TANGO2: variants seen among roughly 807,000 people sequenced by gnomAD.
The protein encoded by TANGO2 is transport and Golgi organization protein 2 homolog.
A neutral mutation model predicts 39.1 loss-of-function variants in TANGO2; 26 were observed. That is an observed-to-expected ratio of 0.67 (90% CI 0.49 to 0.92). The LOEUF (loss-of-function observed/expected upper bound fraction) is 0.92. Ranked by LOEUF, TANGO2 falls within the 40% of genes least tolerant of loss-of-function variation. TANGO2 has a pLI of 0.00. For missense variants in TANGO2, 326 were observed against 360.1 expected, an observed-to-expected ratio of 0.91 and a Z score of 0.77; for synonymous variants, 131 against 144.5, an observed-to-expected ratio of 0.91 and a Z score of 0.67.
intron 3 of TANGO2, among the ~76,000 whole-genome samples, chr22:20,045,987 G>A (rs564774108): frequency 5.6e-4 from 85 of 152,076 alleles, no homozygotes; most frequent in Non-Finnish European, 8.5e-4. Context: ...CCTACTCCCT[G>A]CCCTGTGTGA....
intron 5 of TANGO2, chr22:20,054,597 A>G (rs1405632484): frequency 6.6e-6 from 1 of 152,408 alleles, no homozygotes; most frequent in Non-Finnish European, 1.5e-5. Context: ...TCCCGGCTCC[A>G]AAGGCTGCAG....
At chr22:20,032,135 C>T (rs939066464) in intron 1 of TANGO2, among the ~76,000 whole-genome samples, 5 of 152,246 alleles carry the variant, frequency 3.3e-5, no homozygotes, top group African/African-American at 9.6e-5. Context: ...AGCCTCCTTC[C>T]GGTTGGGGTT....
At chr22:20,037,159 G>C (rs2043007035) in intron 2 of TANGO2, 34 of 1,478,906 alleles carry the variant, frequency 2.3e-5, no homozygotes, top group Non-Finnish European at 2.5e-5. Context: ...GGAGGGTCGG[G>C]CGGCAGAACT....
chr22:20,031,869 G>A (rs2041930585), intron 1 of TANGO2, among the ~76,000 whole-genome samples: 1 of 152,228 alleles, frequency 6.6e-6, no homozygotes, highest in Admixed American at 6.5e-5. Flanking sequence ...ACTCTCTCAG[G>A]GGCTGCCAGG....
intron 6 of TANGO2, among the ~76,000 whole-genome samples, chr22:20,060,996 C>T (rs1273757113): frequency 6.6e-6 from 1 of 152,146 alleles, no homozygotes; most frequent in Non-Finnish European, 1.5e-5. Context: ...GCAGAGCCCC[C>T]CGGCTCTCCT....
At chr22:20,032,976 C>T (rs2042146343) in intron 1 of TANGO2, among the ~76,000 whole-genome samples, 5 of 152,112 alleles carry the variant, frequency 3.3e-5, no homozygotes, top group Admixed American at 1.3e-4. Context: ...GTGTGGGGAC[C>T]TTGTAGGACC....
intron 8 of TANGO2, chr22:20,063,663 C>T (rs2048794539): frequency 4.0e-6 from 2 of 501,296 alleles, no homozygotes; most frequent in Admixed American, 3.6e-5. Context: ...TACACAGCCA[C>T]ACAGGGCCAG....
rs920458253 is a variant in TANGO2 at position 20,064,756 on chromosome 22, C to T, written c.*94C>T. 1.2e-5 allele frequency: 18 copies of T among 1,494,424 alleles called. No homozygotes were observed. Among genetic ancestry groups the T allele is most frequent in the Middle Eastern group, 4.6e-4 (2 of 4,354 alleles). 92.6% of individuals were successfully genotyped at this position (1,494,424 alleles called of 1,614,324 possible). A position where few individuals can be genotyped will look rare whatever the true frequency, so the allele number is the denominator to read the frequency against. On this transcript the variant is annotated 3_prime_UTR_variant, in exon 9 of 9. Coordinates refer to ENST00000327374, the MANE Select transcript of TANGO2 (RefSeq NM_152906.7). The stretch of plus-strand genomic sequence containing the variant: ...CCTTCCTTTGCCATACTGCATTGCA[C>T]TGCCCGTGGCTTGGCCAGCATCCCC...
chr22:20,036,054 C>T (rs767283887), intron 1 of TANGO2, among the ~76,000 whole-genome samples: 3 of 152,148 alleles, frequency 2.0e-5, no homozygotes, highest in Admixed American at 6.5e-5. Context: ...TTTGTCTGTT[C>T]TTATCAGCCT....
upstream of TANGO2, chr22:20,019,355 C>T (rs1221848877): frequency 6.6e-6 from 1 of 152,264 alleles, no homozygotes; most frequent in Non-Finnish European, 1.5e-5. Flanking sequence ...GCCAGTGAGC[C>T]TGTTGCAGCC....
At chr22:20,032,525 G>A (rs1202118029) in intron 1 of TANGO2, among the ~76,000 whole-genome samples, 2 of 152,272 alleles carry the variant, frequency 1.3e-5, no homozygotes, top group African/African-American at 2.4e-5. Context: ...GGTTCTGGCC[G>A]CCTGGGCCTC....
intron 8 of TANGO2, among the ~76,000 whole-genome samples, chr22:20,064,339 G>A (rs2048920600): frequency 6.6e-6 from 1 of 152,202 alleles, no homozygotes; most frequent in African/African-American, 2.4e-5. Context: ...GTGTGGGCCT[G>A]TGGAGCCAGC....
chr22:20,039,668 G>GC (rs1262357826), intron 2 of TANGO2, among the ~76,000 whole-genome samples: 3 of 151,968 alleles, frequency 2.0e-5, no homozygotes, highest in Non-Finnish European at 4.4e-5. Flanking sequence ...CCTGTTTACA[G>GC]CCCCACGTGA....
At chr22:20,025,196 G>A (rs1248141511) in intron 1 of TANGO2, among the ~76,000 whole-genome samples, 2 of 149,750 alleles carry the variant, frequency 1.3e-5, no homozygotes, top group Non-Finnish European at 3.0e-5. Context: ...GGTTCAATGC[G>A]ATTCTCCTGC....
intron 1 of TANGO2, among the ~76,000 whole-genome samples, chr22:20,022,198 C>G (rs1428676617): frequency 2.6e-5 from 4 of 152,354 alleles, no homozygotes; most frequent in Non-Finnish European, 5.9e-5. Context: ...AAAACTCAGG[C>G]TAAGGTGGCA....
intron 5 of TANGO2, 46 bp downstream of exon 5, chr22:20,053,597 G>C (rs375376230): frequency 7.7e-7 from 1 of 1,303,156 alleles, no homozygotes; most frequent in Non-Finnish European, 1.1e-6. Flanking sequence ...GCACTGCCTC[G>C]GGGGCAGGCC....
At chr22:20,056,731 G>A (rs1308873481) in intron 6 of TANGO2, 3 of 456,394 alleles carry the variant, frequency 6.6e-6, no homozygotes, top group African/African-American at 6.0e-5. Flanking sequence ...CCAGGACAAA[G>A]CAGCACTCCT....
chr22:20,058,798 C>A (rs1288410991), intron 6 of TANGO2, among the ~76,000 whole-genome samples: 1 of 152,062 alleles, frequency 6.6e-6, no homozygotes, highest in African/African-American at 2.4e-5. Flanking sequence ...GAGTTTTATG[C>A]CTCCCAAGGT....
At chr22:20,063,616 G>C in intron 8 of TANGO2, 174 bp downstream of exon 8, 1 of 623,130 alleles carries the variant, frequency 1.6e-6, no homozygotes, top group Non-Finnish European at 2.7e-6. Flanking sequence ...GATACCACAG[G>C]CTCCCGGGGC....
Sources: gnomAD v4.1 joint callset for allele counts (sites outside exome capture counted in the v4.1 genomes callset) on GRCh38, gnomAD v4.1.1 for gene constraint, MANE v1.5 for transcripts, NCBI Gene and HGNC (gene_info 2026-07-23, HGNC 2026-07-21) for gene names.